Variants in DNM3 observed in about 807,000 individuals in gnomAD.
DNM3 encodes dynamin-3.
DNM3 carries 47 observed loss-of-function variants against 101.6 expected under a neutral mutation model. The observed-to-expected ratio is 0.46, with a 90% CI of 0.37 to 0.59. The LOEUF (loss-of-function observed/expected upper bound fraction) is 0.59. Among genes scored for constraint, DNM3 ranks in the 20% least tolerant of loss-of-function variants. DNM3 has a pLI of 0.00. For synonymous variants in DNM3, 385 were observed against 387.9 expected, an observed-to-expected ratio of 0.99 and a Z score of 0.09; for missense variants, 849 against 1,085.7, an observed-to-expected ratio of 0.78 and a Z score of 3.06.
At chr1:172,294,196 T>C (rs138775065) in intron 15 of DNM3, among the ~76,000 whole-genome samples, 1 of 152,336 alleles carries the variant, frequency 6.6e-6, no homozygotes, top group Non-Finnish European at 1.5e-5. Context: ...TTTCCAACAA[T>C]AAACTTTCAT....
chr1:171,883,410 CACACCCT>C (rs1558209479), intron 1 of DNM3, among the ~76,000 whole-genome samples: 5,007 of 112,026 alleles, frequency 0.045, 287 homozygotes, highest in African/African-American at 0.12. Context: ...CACACACACA[CACACCCT>C]GTCAGAATGA....
intron 14 of DNM3, among the ~76,000 whole-genome samples, chr1:172,215,343 T>C (rs1365623580): frequency 1.3e-5 from 2 of 152,084 alleles, no homozygotes; most frequent in Non-Finnish European, 2.9e-5. Context: ...TGGTTATAAG[T>C]AGTATGTGCA....
rs564567694 is a variant in DNM3 at position 172,223,216 on chromosome 1, C to T, written c.1660-30357C>T. 2.6e-5 allele frequency among the ~76,000 whole-genome samples: 4 copies of T among 151,726 alleles called. No homozygotes were observed. The East Asian group carries it at 7.7e-4, about 29-fold the overall frequency. On this transcript the variant is annotated intron_variant, in intron 14 of 20. Coordinates refer to ENST00000627582, the MANE Select transcript of DNM3 (RefSeq NM_015569.5). The stretch of plus-strand genomic sequence containing the variant: ...AACTTTGTATCTGTTGATCTCTTCC[C>T]ATCCTGCCCCTAACCCCACCTCTCC...
At chr1:171,866,325 C>T (rs1445669267) in intron 1 of DNM3, among the ~76,000 whole-genome samples, 1 of 152,094 alleles carries the variant, frequency 6.6e-6, no homozygotes, top group Non-Finnish European at 1.5e-5. Flanking sequence ...CTACCAACTA[C>T]TTCCCAGCAT....
intron 4 of DNM3, among the ~76,000 whole-genome samples, chr1:172,016,155 C>G (rs1225762164): frequency 1.3e-5 from 2 of 150,118 alleles, no homozygotes; most frequent in Non-Finnish European, 1.5e-5. Flanking sequence ...CCACTGCACT[C>G]CAGTCTGGGC....
intron 17 of DNM3, among the ~76,000 whole-genome samples, chr1:172,338,062 G>A (rs1451078961): frequency 1.3e-5 from 2 of 151,524 alleles, no homozygotes; most frequent in African/African-American, 2.4e-5. Context: ...GACCACAGGC[G>A]CCCGCCACCA....
At chr1:171,888,210 A>C (rs974552608) in intron 1 of DNM3, among the ~76,000 whole-genome samples, 1 of 152,074 alleles carries the variant, frequency 6.6e-6, no homozygotes, top group Non-Finnish European at 1.5e-5. Flanking sequence ...GTGTGAAAAA[A>C]GGGTAATGTT....
intron 14 of DNM3, among the ~76,000 whole-genome samples, chr1:172,188,045 T>TA (rs917539239): frequency 4.6e-5 from 7 of 152,042 alleles, no homozygotes; most frequent in Non-Finnish European, 8.8e-5. Context: ...CAAAACTCAA[T>TA]AAAAAATATG....
intron 2 of DNM3, among the ~76,000 whole-genome samples, chr1:171,959,954 T>C (rs1156536235): frequency 1.3e-5 from 2 of 152,040 alleles, no homozygotes; most frequent in African/African-American, 4.8e-5. Flanking sequence ...TTTGTAGAAA[T>C]ATGAGTGTTC....
At chr1:172,351,978 AAAC>A in intron 17 of DNM3, among the ~76,000 whole-genome samples, 1 of 152,314 alleles carries the variant, frequency 6.6e-6, no homozygotes, top group Admixed American at 6.5e-5. Context: ...CTAATACAAT[AAAC>A]AACAGTTTGC....
chr1:171,916,742 T>C (rs775361512), intron 1 of DNM3, among the ~76,000 whole-genome samples: 1 of 152,190 alleles, frequency 6.6e-6, no homozygotes, highest in Non-Finnish European at 1.5e-5. Context: ...CTTAAAACTC[T>C]ATAGCGCCTT....
intron 1 of DNM3, among the ~76,000 whole-genome samples, chr1:171,882,609 AT>A (rs1318551255): frequency 6.6e-6 from 1 of 152,158 alleles, no homozygotes; most frequent in African/African-American, 2.4e-5. Flanking sequence ...TCCCAATAAT[AT>A]TTTTTAGAGC....
At chr1:172,341,802 A>G (rs1256554801) in intron 17 of DNM3, among the ~76,000 whole-genome samples, 6 of 152,242 alleles carry the variant, frequency 3.9e-5, no homozygotes, top group Admixed American at 3.3e-4. Context: ...AGGCGATACC[A>G]TTCTGGACAT....
intron 1 of DNM3, among the ~76,000 whole-genome samples, chr1:171,863,912 C>G (rs2034447008): frequency 6.6e-6 from 1 of 152,144 alleles, no homozygotes; most frequent in Non-Finnish European, 1.5e-5. Flanking sequence ...TTAGTATGAG[C>G]CTTATTGAAT....
intron 2 of DNM3, among the ~76,000 whole-genome samples, chr1:171,946,120 C>T (rs1327772219): frequency 6.6e-6 from 1 of 152,110 alleles, no homozygotes; most frequent in Non-Finnish European, 1.5e-5. Context: ...TTCTGATTTA[C>T]ATTTTAAAAT....
intron 10 of DNM3, among the ~76,000 whole-genome samples, chr1:172,061,264 T>C (rs1180671272): frequency 8.1e-5 from 12 of 147,262 alleles, no homozygotes; most frequent in Non-Finnish European, 1.8e-4. Flanking sequence ...TGTAAACTAG[T>C]TCAACCATTG....
intron 20 of DNM3, chr1:172,393,163 A>G (rs981060403): frequency 1.3e-5 from 2 of 152,268 alleles, no homozygotes; most frequent in African/African-American, 4.8e-5. Flanking sequence ...TAATCCTTCT[A>G]CATAGGCAAT....
chr1:171,987,084 A>AAT (rs1352106597), intron 2 of DNM3, among the ~76,000 whole-genome samples: 1 of 152,108 alleles, frequency 6.6e-6, no homozygotes, highest in Non-Finnish European at 1.5e-5. Flanking sequence ...GCTTTGATAT[A>AAT]ATACTCTATA....
intron 16 of DNM3, chr1:172,310,526 T>C (rs985530254): frequency 7.2e-5 from 11 of 152,212 alleles, no homozygotes; most frequent in Admixed American, 5.9e-4. Context: ...AGGCAAGCTT[T>C]ATTTTTGTCA....
Sources: gnomAD v4.1 joint callset for allele counts (sites outside exome capture counted in the v4.1 genomes callset) on GRCh38, gnomAD v4.1.1 for gene constraint, MANE v1.5 for transcripts, NCBI Gene and HGNC (gene_info 2026-07-23, HGNC 2026-07-21) for gene names.